CWH43: variants seen among roughly 807,000 people sequenced by gnomAD.
CWH43 encodes the protein PGAP2-interacting protein.
Under a neutral mutation model 85.7 loss-of-function variants are expected in CWH43, and 91 were observed. That is an observed-to-expected ratio of 1.06 (90% CI 0.90 to 1.26). The LOEUF (loss-of-function observed/expected upper bound fraction) is 1.26, where lower values mean the gene tolerates loss of function less well. Ranked by LOEUF, CWH43 falls within the 50% of genes most tolerant of loss-of-function variation. The probability of loss-of-function intolerance (pLI) is 0.00; values close to 1 mark genes in which losing one functional copy is unlikely to be tolerated. For missense variants in CWH43, 869 were observed against 839.2 expected (o/e 1.04, Z -0.44); for synonymous variants, 323 against 293.6 (o/e 1.10, Z -1.02).
chr4:49,022,884 C>T (rs373614371), intron 9 of CWH43, among the ~76,000 whole-genome samples: 3 of 151,882 alleles, frequency 2.0e-5, no homozygotes, highest in East Asian at 1.9e-4. Context: ...CTGTGGTATC[C>T]GTTGTAGTAT....
At chr4:49,017,837 ATTT>A (rs745640613) in intron 9 of CWH43, among the ~76,000 whole-genome samples, 1 of 142,482 alleles carries the variant, frequency 7.0e-6, no homozygotes, top group Non-Finnish European at 1.5e-5. Context: ...GGTGCTACAC[ATTT>A]TTTTTTTTTT....
intron 13 of CWH43, among the ~76,000 whole-genome samples, chr4:49,044,537 C>G (rs1426590841): frequency 2.6e-5 from 4 of 152,190 alleles, no homozygotes; most frequent in African/African-American, 9.6e-5. Flanking sequence ...ATCTGAGTCA[C>G]TCTCCAGACC....
chr4:48,993,855 A>G (rs1248628043), intron 4 of CWH43, among the ~76,000 whole-genome samples: 1 of 151,998 alleles, frequency 6.6e-6, no homozygotes, highest in Non-Finnish European at 1.5e-5. Flanking sequence ...CCCAGGTTCA[A>G]GCGATTCTCC....
intron 13 of CWH43, among the ~76,000 whole-genome samples, chr4:49,039,306 G>GAGATATATATATATATATAT (rs1553916914): frequency 8.7e-4 from 4 of 4,602 alleles, no homozygotes; most frequent in African/African-American, 1.7e-3. Flanking sequence ...TCAGGAGACT[G>GAGATATATATATATATATAT]ATATATATAT....
At position 49,007,232 on chromosome 4, in the gene CWH43, G is replaced by C; in HGVS notation, c.1092G>C (p.Met364Ile). The C allele has an allele frequency of 1.2e-6, 2 of 1,611,402 alleles. No homozygotes were observed. The highest frequency in any genetic ancestry group is 4.5e-5 in the East Asian group (2 of 44,730). ...TGATGTTAATTATCGGGCTGAATAT[G>C]CTATTTGGTCCTAAGAAAAACCTTG... Reference protein sequence around the residue: ...GTMMLIIGLNMLFGPKKNLDL... With the variant: ...GTMMLIIGLNILFGPKKNLDL... The change falls in exon 8 of 16, where the codon ATG becomes ATC. Residue 364 changes from methionine (M) to isoleucine (I), a missense_variant. By Grantham distance (10) the Met-to-Ile change is conservative (BLOSUM62 1). This residue lies in a region of CWH43 where 577 missense variants were observed against 513.1 expected (regional missense o/e 1.12). Transcript: ENST00000226432.
chr4:49,059,007 C>T (rs1010320429), intron 15 of CWH43, among the ~76,000 whole-genome samples: 2 of 152,056 alleles, frequency 1.3e-5, no homozygotes, highest in African/African-American at 4.8e-5. Context: ...TGTGAATCTT[C>T]CTCTCCAAAT....
In CWH43 at chr4:49,032,630, G is replaced by C. The variant is rs768744801; in HGVS notation, c.1573G>C (p.Gly525Arg). The C allele has an allele frequency of 9.3e-6, 15 of 1,614,016 alleles. No homozygotes were observed. The highest frequency in any genetic ancestry group is 1.3e-5 in the Non-Finnish European group (15 of 1,179,954). ...GCATCACCTTCTTCCGTCACCAGAGGGCGAGATCGCACCAGCCATCACATT... is the reference window on the plus strand; with the variant it reads ...GCATCACCTTCTTCCGTCACCAGAGCGCGAGATCGCACCAGCCATCACATT... ...SEHHLLPSPE[G>R]EIAPAITLTV... The change falls in exon 12 of 16, where the codon GGC (glycine) becomes CGC (arginine). Residue 525 changes from glycine (G) to arginine (R), a missense_variant. Gly to Arg is a moderately radical substitution (Grantham distance 125, BLOSUM62 -2). Around this residue, in one of 3 missense-constraint regions of CWH43, gnomAD observed 577 missense variants for 513.1 expected, o/e 1.12. Transcript: ENST00000226432.
chr4:49,008,045 A>C (rs1420864571), intron 8 of CWH43, among the ~76,000 whole-genome samples: 1 of 152,244 alleles, frequency 6.6e-6, no homozygotes, highest in African/African-American at 2.4e-5. Flanking sequence ...AGGAATCACC[A>C]CACTGTTTTC....
At chr4:49,000,989 A>G (rs1465625082) in intron 6 of CWH43, among the ~76,000 whole-genome samples, 1 of 152,168 alleles carries the variant, frequency 6.6e-6, no homozygotes, top group Admixed American at 6.6e-5. Context: ...GGTGGTGCCC[A>G]CTTTTCACTG....
In CWH43 at chr4:48,986,356, C is replaced by T. The variant is rs1164666940; in HGVS notation, c.-74C>T. On this transcript the variant is annotated 5_prime_UTR_variant, in exon 1 of 16. Transcript: ENST00000226432. ...CCCGGGAGGACGCGGCGGCGGGAAC[C>T]TGGGGGCGCAGGGCTAGGGCAGCGG... 3 of 1,433,154 alleles carry T rather than the reference C, an allele frequency of 2.1e-6. No homozygotes were observed. Among genetic ancestry groups the T allele is most frequent in the Admixed American group, 2.2e-5 (1 of 45,752 alleles). The allele number at this position is 1,433,154 out of a possible 1,614,324, so 88.8% of individuals were successfully genotyped here.
In CWH43 at chr4:49,017,243, G is replaced by C. The variant is rs1200127200; in HGVS notation, c.1187-6G>C. The C allele has an allele frequency of 6.2e-7, 1 of 1,604,910 alleles. No individual in the cohort carries two copies. Among genetic ancestry groups the C allele is most frequent in the Non-Finnish European group, 8.5e-7 (1 of 1,175,888 alleles). On this transcript the variant is annotated splice_region_variant and splice_polypyrimidine_tract_variant and intron_variant, in intron 8 of 15. Transcript: ENST00000226432. ...AAAAACCCAATTATTTCTTTTTTCTGTTTAGTTCTGTGGCTGCTTGTTGGT... is the reference window on the plus strand; with the variant it reads ...AAAAACCCAATTATTTCTTTTTTCTCTTTAGTTCTGTGGCTGCTTGTTGGT...
intron 14 of CWH43, among the ~76,000 whole-genome samples, chr4:49,050,262 C>A (rs1435891483): frequency 6.6e-6 from 1 of 152,156 alleles, no homozygotes; most frequent in Non-Finnish European, 1.5e-5. Context: ...GGAATTTTTT[C>A]AGATATATAA....
intron 12 of CWH43, 82 bp downstream of exon 12, chr4:49,032,797 C>T: frequency 6.7e-7 from 1 of 1,487,100 alleles, no homozygotes; most frequent in East Asian, 2.3e-5. Flanking sequence ...ATGAAATCAC[C>T]TTTCTCATTT....
chr4:49,032,595 T>C lies in CWH43; in HGVS notation c.1538T>C (p.Val513Ala). ...GIMALSRYPI[V>A]KSEHHLLPSP... is the part of the protein sequence containing the mutation. ...ATGGCTTTGTCAAGATACCCAATTG[T>C]GAAATCTGAGCATCACCTTCTTCCG... Residue 513 changes from valine to alanine, a missense_variant, in exon 12 of 16, where the codon GTG becomes GCG. Physicochemically the swap from Val to Ala is moderately conservative, Grantham distance 64. This residue lies in a region of CWH43 where 577 missense variants were observed against 513.1 expected (regional missense o/e 1.12). Coordinates refer to ENST00000226432, the MANE Select transcript of CWH43 (RefSeq NM_025087.3). The C allele has an allele frequency of 2.5e-6, 4 of 1,614,028 alleles. No homozygotes were observed. Among genetic ancestry groups the C allele is most frequent in the Non-Finnish European group, 3.4e-6 (4 of 1,179,956 alleles).
intron 15 of CWH43, among the ~76,000 whole-genome samples, chr4:49,052,565 G>C (rs1784831649): frequency 6.6e-6 from 1 of 152,130 alleles, no homozygotes; most frequent in Non-Finnish European, 1.5e-5. Context: ...TAAAAAATCA[G>C]AGAAGAAAAG....
chr4:48,998,149 T>G (rs1782873270), intron 5 of CWH43, among the ~76,000 whole-genome samples: 3 of 152,246 alleles, frequency 2.0e-5, no homozygotes, highest in Non-Finnish European at 4.4e-5. Context: ...CTTTGCTTTT[T>G]GTTCTTGGCA....
At chr4:48,996,590 T>C (rs1405051781) in intron 5 of CWH43, among the ~76,000 whole-genome samples, 9 of 152,210 alleles carry the variant, frequency 5.9e-5, no homozygotes, top group Non-Finnish European at 1.2e-4. Flanking sequence ...GGAAGAAGTT[T>C]ATTCCTATGT....
chr4:49,005,195 T>TTATTTTTAC (rs1783116042), intron 7 of CWH43, among the ~76,000 whole-genome samples: 1 of 152,208 alleles, frequency 6.6e-6, no homozygotes. Context: ...ATACTGAAGA[T>TTATTTTTAC]TATTTTTACA....
Position 49,050,652 on chromosome 4 carries a change from C to T in CWH43, c.1866-42C>T, listed in dbSNP as rs767719198. The T allele has an allele frequency of 2.6e-6, 4 of 1,539,478 alleles. No homozygotes were observed. The African/African-American group carries it at 5.5e-5, about 21-fold the overall frequency. On this transcript the variant is annotated intron_variant, in intron 14 of 15. Transcript: ENST00000226432. ...ACTTGGATCTCGTTAGATTTCTATA[C>T]AATAATAAAACTGTTACAAACCATT...
Sources: allele counts gnomAD v4.1 joint callset (sites outside exome capture counted in the v4.1 genomes callset), GRCh38; gene constraint gnomAD v4.1.1; regional missense constraint gnomAD v4.1.1; transcripts MANE v1.5; gene names NCBI Gene and HGNC (gene_info 2026-07-23, HGNC 2026-07-21).